The following MAST4 variants were observed in gnomAD, a reference collection of about 807,000 sequenced individuals.
MAST4 encodes microtubule associated serine/threonine kinase family member 4, also known as microtubule-associated serine/threonine-protein kinase 4.
A neutral mutation model predicts 162.7 loss-of-function variants in MAST4; 89 were observed. The observed-to-expected ratio is 0.55, with a 90% CI of 0.46 to 0.65. The LOEUF (loss-of-function observed/expected upper bound fraction) is 0.65. MAST4 is among the 30% of genes least tolerant of loss of function. The pLI, the probability that MAST4 is intolerant of heterozygous loss-of-function variation, is 0.00. For missense variants in MAST4, 3,153 were observed against 3,374.0 expected, an observed-to-expected ratio of 0.93 and a Z score of 1.62; for synonymous variants, 1,479 against 1,361.1, an observed-to-expected ratio of 1.09 and a Z score of -1.91.
At chr5:66,847,843 A>AAAAAAAT (rs1491394087) in intron 3 of MAST4, among the ~76,000 whole-genome samples, 4 of 150,202 alleles carry the variant, frequency 2.7e-5, no homozygotes, top group Admixed American at 6.7e-5. Flanking sequence ...AAAAAAAAAA[A>AAAAAAAT]GAAAAACCTT....
At chr5:66,859,434 A>T (rs1253221933) in intron 3 of MAST4, among the ~76,000 whole-genome samples, 1 of 152,108 alleles carries the variant, frequency 6.6e-6, no homozygotes, top group African/African-American at 2.4e-5. Flanking sequence ...CAGTGTCTTC[A>T]TTGACCCTTG....
At chr5:66,963,727 G>A (rs753149890) in intron 4 of MAST4, 2 of 779,812 alleles carry the variant, frequency 2.6e-6, no homozygotes, top group South Asian at 2.7e-5. Flanking sequence ...AGGAGCCTGA[G>A]TCCAACCCCA....
intron 7 of MAST4, among the ~76,000 whole-genome samples, chr5:67,096,996 G>A (rs1581545959): frequency 1.3e-5 from 2 of 152,006 alleles, no homozygotes; most frequent in South Asian, 4.1e-4. Flanking sequence ...CACTATCAGT[G>A]GTTATTGGCC....
chr5:66,992,899 C>A (rs1160899617), intron 4 of MAST4, among the ~76,000 whole-genome samples: 1 of 152,140 alleles, frequency 6.6e-6, no homozygotes. Flanking sequence ...ATGTAGCACT[C>A]TTGATTCTCA....
intron 4 of MAST4, among the ~76,000 whole-genome samples, chr5:66,980,863 A>AG (rs1256492249): frequency 6.6e-6 from 1 of 152,228 alleles, no homozygotes; most frequent in African/African-American, 2.4e-5. Context: ...ATTCTGGGGC[A>AG]GTCAAGAAGA....
intron 4 of MAST4, among the ~76,000 whole-genome samples, chr5:66,982,140 G>A (rs767011501): frequency 1.4e-4 from 21 of 152,188 alleles, no homozygotes; most frequent in Admixed American, 9.8e-4. Context: ...AAGTGGCAAG[G>A]CCAGGATCCA....
chr5:66,887,858 A>T (rs1379292077), intron 3 of MAST4, among the ~76,000 whole-genome samples: 1 of 152,148 alleles, frequency 6.6e-6, no homozygotes, highest in Non-Finnish European at 1.5e-5. Context: ...ACCTTAACCC[A>T]TGGTCTTCAT....
intron 4 of MAST4, among the ~76,000 whole-genome samples, chr5:66,912,532 A>G (rs1440169194): frequency 6.6e-6 from 1 of 152,226 alleles, no homozygotes; most frequent in Non-Finnish European, 1.5e-5. Context: ...AATGAAATTA[A>G]TAGATCAGTA....
chr5:66,796,375 A>T lies in MAST4; in HGVS notation c.642+7581A>T, dbSNP rs547573352. On this transcript the variant is annotated intron_variant, in intron 3 of 28. Transcript: ENST00000403625. Reference sequence around the variant, plus strand: ...ATTCCACTCAGCGCAGTCACTTAAAATGTCCCCATGTCTTAGTTTTTTTCT... The same window carrying T: ...ATTCCACTCAGCGCAGTCACTTAAATTGTCCCCATGTCTTAGTTTTTTTCT... 3.9e-5 allele frequency among the ~76,000 whole-genome samples: 6 copies of T among 152,330 alleles called. No homozygotes were observed. The East Asian group carries it at 1.2e-3, about 29-fold the overall frequency.
intron 19 of MAST4, among the ~76,000 whole-genome samples, chr5:67,139,339 TG>T (rs1311399553): frequency 6.6e-6 from 1 of 152,232 alleles, no homozygotes; most frequent in Non-Finnish European, 1.5e-5. Context: ...AAGAACATAA[TG>T]GATGTTTAAG....
Position 66,759,860 on chromosome 5 carries a change from C to G in MAST4, c.515C>G (p.Thr172Ser). ...LRRGSLGGAL[T>S]GRYLLPNPVA... ...CGAGGGAGCCTGGGAGGAGCCCTGA[C>G]TGGTGAGTCGCAGCGGCTTGGATGA... The change falls in exon 2 of 29, where the codon ACT (threonine) becomes AGT (serine). Residue 172 changes from threonine (T) to serine (S), a missense_variant and splice_region_variant. Transcript: ENST00000403625. 6.2e-7 allele frequency: 1 copy of G among 1,613,828 alleles called. No individual in the cohort carries two copies. Among genetic ancestry groups the G allele is most frequent in the South Asian group, 1.1e-5 (1 of 91,070 alleles).
intron 4 of MAST4, among the ~76,000 whole-genome samples, chr5:67,012,525 T>G (rs1010060053): frequency 5.9e-5 from 9 of 152,204 alleles, no homozygotes; most frequent in African/African-American, 1.9e-4. Flanking sequence ...TTTTGAAACT[T>G]ACATAGTAGA....
At chr5:66,918,013 A>T (rs1393294460) in intron 4 of MAST4, among the ~76,000 whole-genome samples, 1 of 149,680 alleles carries the variant, frequency 6.7e-6, no homozygotes, top group Non-Finnish European at 1.5e-5. Context: ...AGATCTCTTT[A>T]CCTGATGCCA....
At chr5:67,051,839 A>G (rs771676865) in intron 4 of MAST4, among the ~76,000 whole-genome samples, 2 of 152,208 alleles carry the variant, frequency 1.3e-5, no homozygotes, top group Non-Finnish European at 2.9e-5. Context: ...ATATGGAAAT[A>G]TATCAGCCTA....
intron 27 of MAST4, among the ~76,000 whole-genome samples, chr5:67,160,879 G>A (rs1773109229): frequency 1.3e-5 from 2 of 152,178 alleles, no homozygotes; most frequent in South Asian, 4.1e-4. Context: ...CTTGATTTCA[G>A]TTGAGTTGGA....
At chr5:66,942,224 A>G (rs924882829) in intron 4 of MAST4, among the ~76,000 whole-genome samples, 4 of 152,154 alleles carry the variant, frequency 2.6e-5, no homozygotes, top group Non-Finnish European at 4.4e-5. Context: ...AAAACTAGGT[A>G]TGTCTATTCT....
chr5:66,656,181 C>T (rs1746532986), intron 1 of MAST4, among the ~76,000 whole-genome samples: 1 of 152,196 alleles, frequency 6.6e-6, no homozygotes, highest in South Asian at 2.1e-4. Flanking sequence ...GGCTGGAAGA[C>T]CTTTCTGCTC....
At chr5:66,947,856 T>G (rs986312085) in intron 4 of MAST4, among the ~76,000 whole-genome samples, 1 of 152,162 alleles carries the variant, frequency 6.6e-6, no homozygotes, top group African/African-American at 2.4e-5. Flanking sequence ...AGTCAGTAGC[T>G]GATGATGTGA....
chr5:66,739,351 A>G (rs1457624676), intron 1 of MAST4, among the ~76,000 whole-genome samples: 1 of 152,092 alleles, frequency 6.6e-6, no homozygotes, highest in African/African-American at 2.4e-5. Context: ...TGACCTCTGT[A>G]TTTCCTGGGG....
Sources: gnomAD v4.1 joint callset for allele counts (sites outside exome capture counted in the v4.1 genomes callset) on GRCh38, gnomAD v4.1.1 for gene constraint, MANE v1.5 for transcripts, NCBI Gene and HGNC (gene_info 2026-07-23, HGNC 2026-07-21) for gene names.